NAT1: variants seen among roughly 807,000 people sequenced by gnomAD.
The protein encoded by NAT1 is arylamine N-acetyltransferase 1.
For missense variants in NAT1, 400 were observed against 339.2 expected (o/e 1.18, Z -1.41); for synonymous variants, 144 against 122.6 (o/e 1.17, Z -1.16).
At chr8:18,204,463 G>T (rs938462989) in intron 2 of NAT1, among the ~76,000 whole-genome samples, 1 of 152,106 alleles carries the variant, frequency 6.6e-6, no homozygotes, top group African/African-American at 2.4e-5. Context: ...AGATAATCAT[G>T]AAATATCTGA....
intron 2 of NAT1, among the ~76,000 whole-genome samples, chr8:18,175,614 T>C (rs867471925): frequency 2.5e-4 from 38 of 152,276 alleles, no homozygotes; most frequent in African/African-American, 7.7e-4. Context: ...CATACTATCA[T>C]TGATGACCAC....
intron 2 of NAT1, among the ~76,000 whole-genome samples, chr8:18,196,387 G>T (rs571143643): frequency 5.9e-5 from 9 of 151,482 alleles, no homozygotes; most frequent in African/African-American, 2.2e-4. Flanking sequence ...AAGTAGGGAT[G>T]AACATATGAG....
At chr8:18,204,280 C>A (rs1223984511) in intron 2 of NAT1, among the ~76,000 whole-genome samples, 1 of 152,162 alleles carries the variant, frequency 6.6e-6, no homozygotes, top group African/African-American at 2.4e-5. Flanking sequence ...TCTTTCTCCA[C>A]ACACAACGAA....
chr8:18,179,216 G>C (rs565173514), intron 2 of NAT1, among the ~76,000 whole-genome samples: 1 of 152,024 alleles, frequency 6.6e-6, no homozygotes, highest in Non-Finnish European at 1.5e-5. Flanking sequence ...TGTCTTAGTC[G>C]TTTGGCACAT....
intron 2 of NAT1, among the ~76,000 whole-genome samples, chr8:18,172,259 CTT>C (rs919064476): frequency 6.6e-6 from 1 of 152,162 alleles, no homozygotes; most frequent in African/African-American, 2.4e-5. Flanking sequence ...ACAATAGAAA[CTT>C]TTAAGCTCCA....
intron 2 of NAT1, among the ~76,000 whole-genome samples, chr8:18,201,943 G>T (rs1803482379): frequency 6.6e-6 from 1 of 152,154 alleles, no homozygotes. Context: ...AAGCTAAGTG[G>T]AAAAGACCAC....
rs149335741 is a variant in NAT1, at chr8:18,222,116, A to G, written c.69A>G (p.Thr23=). The G allele has an allele frequency of 1.9e-6, 3 of 1,614,046 alleles. No individual in the cohort carries two copies. The highest frequency in any genetic ancestry group is 2.7e-5 in the African/African-American group (2 of 74,936). ...KKSRNKLDLE[T]LTDILQHQIR... is the part of the protein sequence containing the mutation. The stretch of plus-strand genomic sequence containing the variant: ...CTAGGAACAAATTGGACTTGGAAAC[A>G]TTAACTGACATTCTTCAACACCAGA... The change falls in exon 3 of 3, where the codon ACA becomes ACG. Residue 23 remains threonine, a synonymous_variant. Transcript: ENST00000307719.
chr8:18,203,945 CCTGTA>C (rs1306638094), intron 2 of NAT1, among the ~76,000 whole-genome samples: 1 of 152,108 alleles, frequency 6.6e-6, no homozygotes, highest in East Asian at 1.9e-4. Flanking sequence ...CTGCCAGTCA[CCTGTA>C]CTGTAAAGGA....
intron 2 of NAT1, among the ~76,000 whole-genome samples, chr8:18,192,399 C>A (rs376371850): frequency 1.9e-4 from 29 of 152,130 alleles, no homozygotes; most frequent in Admixed American, 4.6e-4. Context: ...GTGGGACTGT[C>A]AACTAGTTCA....
At chr8:18,203,857 C>T (rs1330639565) in intron 2 of NAT1, among the ~76,000 whole-genome samples, 1 of 152,142 alleles carries the variant, frequency 6.6e-6, no homozygotes, top group East Asian at 1.9e-4. Context: ...AGCCTGCAGG[C>T]TGGGAGCTTG....
chr8:18,189,573 G>A (rs1349770393), intron 2 of NAT1, among the ~76,000 whole-genome samples: 2 of 152,188 alleles, frequency 1.3e-5, no homozygotes, highest in African/African-American at 2.4e-5. Context: ...GAATCTCAAG[G>A]GGAGTGGGAA....
chr8:18,216,947 T>G, intron 1 of NAT1: 1 of 1,551,424 alleles, frequency 6.4e-7, no homozygotes. Flanking sequence ...AGGGTCCAGC[T>G]GTTGGCTATA....
intron 1 of NAT1, among the ~76,000 whole-genome samples, chr8:18,218,664 T>C (rs1804948835): frequency 6.6e-6 from 1 of 152,156 alleles, no homozygotes; most frequent in African/African-American, 2.4e-5. Flanking sequence ...AACAGCTCAC[T>C]AGGAGTTAAC....
At chr8:18,182,509 G>A (rs1374517352) in intron 2 of NAT1, among the ~76,000 whole-genome samples, 2 of 152,298 alleles carry the variant, frequency 1.3e-5, no homozygotes, top group South Asian at 4.1e-4. Flanking sequence ...GTGAGCTATA[G>A]ATTGCTTCGT....
chr8:18,198,991 TGC>T (rs1803349235), intron 2 of NAT1, among the ~76,000 whole-genome samples: 1 of 152,150 alleles, frequency 6.6e-6, no homozygotes. Context: ...AAGGGCCTTC[TGC>T]TTTTAGTCAA....
Position 18,222,752 on chromosome 8 carries a change from G to C in NAT1, c.705G>C (p.Val235=). ...CCCCAGATGGGGTTCACTGTTTGGT[G>C]GGCTTCACCCTCACCCATAGGAGAT... ...LQTPDGVHCL[V]GFTLTHRRFN... Residue 235 remains valine, a synonymous_variant, in exon 3 of 3, where the codon GTG becomes GTC. Coordinates refer to ENST00000307719, the MANE Select transcript of NAT1 (RefSeq NM_000662.8). The C allele has an allele frequency of 6.2e-7, 1 of 1,613,748 alleles. No individual in the cohort carries two copies. The highest frequency in any genetic ancestry group is 8.5e-7 in the Non-Finnish European group (1 of 1,179,902).
At chr8:18,218,490 C>T (rs566941096) in intron 1 of NAT1, among the ~76,000 whole-genome samples, 83 of 152,254 alleles carry the variant, frequency 5.5e-4, no homozygotes, top group Middle Eastern at 3.4e-3. Flanking sequence ...TTTTATTAGA[C>T]GCAGCCACCA....
chr8:18,209,690 A>T (rs773746611), upstream of NAT1: 1 of 152,222 alleles, frequency 6.6e-6, no homozygotes, highest in Non-Finnish European at 1.5e-5. Context: ...AAAAATTTTT[A>T]AAAGAAGTCT....
At chr8:18,204,507 C>T (rs372986780) in intron 2 of NAT1, among the ~76,000 whole-genome samples, 2 of 152,118 alleles carry the variant, frequency 1.3e-5, no homozygotes, top group Admixed American at 1.3e-4. Context: ...TGAAACATTA[C>T]TTATTAAACA....
Sources: allele counts gnomAD v4.1 joint callset (sites outside exome capture counted in the v4.1 genomes callset), GRCh38; gene constraint gnomAD v4.1.1; transcripts MANE v1.5; gene names NCBI Gene and HGNC (gene_info 2026-07-23, HGNC 2026-07-21).